PPP2R5E: variants seen among roughly 807,000 people sequenced by gnomAD.
PPP2R5E encodes protein phosphatase 2 regulatory subunit B'epsilon, also known as serine/threonine-protein phosphatase 2A 56 kDa regulatory subunit epsilon isoform.
A neutral mutation model predicts 65.3 loss-of-function variants in PPP2R5E; 4 were observed. The ratio of observed to expected loss-of-function variants is 0.06; its 90% confidence interval spans 0.03 to 0.14. PPP2R5E has a LOEUF of 0.14. PPP2R5E is among the 10% of genes least tolerant of loss of function. PPP2R5E has a pLI of 1.00. For synonymous variants in PPP2R5E, 183 were observed against 187.4 expected (o/e 0.98, Z 0.19); for missense variants, 274 against 556.1 (o/e 0.49, Z 5.10).
chr14:63,460,328 G>A (rs1179865012), intron 2 of PPP2R5E, among the ~76,000 whole-genome samples: 2 of 152,192 alleles, frequency 1.3e-5, no homozygotes, highest in Non-Finnish European at 2.9e-5. Context: ...GCTGCAGCTA[G>A]TATCTGAACC....
At chr14:63,422,531 C>T (rs1349150976) in intron 3 of PPP2R5E, among the ~76,000 whole-genome samples, 1 of 152,060 alleles carries the variant, frequency 6.6e-6, no homozygotes, top group African/African-American at 2.4e-5. Context: ...TCGAGACCAT[C>T]CTGGCTAACA....
intron 6 of PPP2R5E, 43 bp from the exon 7 acceptor site, chr14:63,395,328 G>A: frequency 1.4e-6 from 2 of 1,410,010 alleles, no homozygotes; most frequent in Admixed American, 1.7e-5. Flanking sequence ...AGGAGAGGAG[G>A]AGGAGAAGGA....
intron 2 of PPP2R5E, among the ~76,000 whole-genome samples, chr14:63,519,467 A>G (rs1410325319): frequency 1.3e-5 from 2 of 148,780 alleles, no homozygotes; most frequent in Admixed American, 1.3e-4. Flanking sequence ...TCTCCCCCCG[A>G]GTAGCTGCGA....
chr14:63,485,389 G>A (rs1043930594), intron 2 of PPP2R5E, among the ~76,000 whole-genome samples: 4 of 151,918 alleles, frequency 2.6e-5, no homozygotes, highest in Non-Finnish European at 5.9e-5. Context: ...CAGGCACTAA[G>A]CCATGGTTTG....
chr14:63,383,231 C>T (rs1046280462), intron 12 of PPP2R5E, among the ~76,000 whole-genome samples: 9 of 152,144 alleles, frequency 5.9e-5, no homozygotes, highest in Middle Eastern at 3.2e-3. Context: ...CAAAAATATC[C>T]GTTGCTTCCG....
intron 2 of PPP2R5E, among the ~76,000 whole-genome samples, chr14:63,510,802 A>C (rs1233274885): frequency 6.6e-6 from 1 of 152,244 alleles, no homozygotes; most frequent in Non-Finnish European, 1.5e-5. Flanking sequence ...TTTTGAACAG[A>C]GGAGTGACAT....
intron 2 of PPP2R5E, among the ~76,000 whole-genome samples, chr14:63,488,857 A>T (rs990313463): frequency 4.0e-5 from 6 of 151,120 alleles, no homozygotes; most frequent in Non-Finnish European, 1.5e-5. Context: ...TTAAATAAAT[A>T]AATTAATTTA....
At chr14:63,527,884 G>A (rs1241593145) in intron 2 of PPP2R5E, among the ~76,000 whole-genome samples, 1 of 150,720 alleles carries the variant, frequency 6.6e-6, no homozygotes, top group Non-Finnish European at 1.5e-5. Context: ...GCAATGAGCA[G>A]AGATCGCGTC....
chr14:63,522,069 G>A (rs1019410569), intron 2 of PPP2R5E, among the ~76,000 whole-genome samples: 11 of 149,248 alleles, frequency 7.4e-5, no homozygotes, highest in African/African-American at 1.5e-4. Context: ...TCAGCTTGCC[G>A]AGTGCCTGCG....
At chr14:63,437,160 C>A (rs1293077994) in intron 3 of PPP2R5E, among the ~76,000 whole-genome samples, 3 of 152,176 alleles carry the variant, frequency 2.0e-5, no homozygotes, top group African/African-American at 7.2e-5. Flanking sequence ...ATGGCAATGT[C>A]AAGAAGTTAC....
chr14:63,502,930 C>A (rs1204856122), intron 2 of PPP2R5E, among the ~76,000 whole-genome samples: 2 of 152,118 alleles, frequency 1.3e-5, no homozygotes, highest in Admixed American at 6.6e-5. Context: ...GAGTTTGAGA[C>A]CAGCCTGGGC....
At chr14:63,412,430 G>A (rs145723786) in intron 5 of PPP2R5E, among the ~76,000 whole-genome samples, 134 of 152,282 alleles carry the variant, frequency 8.8e-4, no homozygotes, top group African/African-American at 2.3e-3. Context: ...TCACGACAAG[G>A]GAATGAAAAA....
chr14:63,419,403 G>A (rs1594852907), intron 4 of PPP2R5E, among the ~76,000 whole-genome samples: 1 of 152,314 alleles, frequency 6.6e-6, no homozygotes, highest in East Asian at 1.9e-4. Flanking sequence ...CAGAAAAATA[G>A]ACAGTTGGAT....
chr14:63,489,438 G>A (rs1278430348), intron 2 of PPP2R5E, among the ~76,000 whole-genome samples: 1 of 147,844 alleles, frequency 6.8e-6, no homozygotes, highest in Admixed American at 6.7e-5. Flanking sequence ...TTGAGACAGA[G>A]TCTCACTCTC....
Position 63,391,972 on chromosome 14 carries a change from T to C in PPP2R5E, c.903A>G (p.Pro301=), listed in dbSNP as rs1345588999. 2.5e-6 allele frequency: 4 copies of C among 1,610,470 alleles called. No individual in the cohort carries two copies. The highest frequency in any genetic ancestry group is 3.4e-6 in the Non-Finnish European group (4 of 1,177,988). ...FLEKDPSLTE[P]VIRGLMKFWP... is the part of the protein sequence containing the mutation. ...TTGAAATTATGGAAAAAAGACTTACTGGTTCTGTGAGTGAAGGATCTTTCT... is the reference window on the plus strand; with the variant it reads ...TTGAAATTATGGAAAAAAGACTTACCGGTTCTGTGAGTGAAGGATCTTTCT... Residue 301 remains proline (P), a splice_region_variant and synonymous_variant, in exon 9 of 14, where the codon CCA becomes CCG. Transcript: ENST00000337537.
intron 2 of PPP2R5E, among the ~76,000 whole-genome samples, chr14:63,480,476 T>C (rs1442329832): frequency 6.6e-6 from 1 of 152,136 alleles, no homozygotes; most frequent in Non-Finnish European, 1.5e-5. Context: ...GTTGGGGTCT[T>C]ACTCTGTTAC....
intron 2 of PPP2R5E, among the ~76,000 whole-genome samples, chr14:63,473,271 G>A (rs1004501642): frequency 7.9e-5 from 12 of 152,202 alleles, no homozygotes; most frequent in African/African-American, 2.4e-4. Flanking sequence ...CTGGAAACAA[G>A]GGGCTATAAA....
intron 3 of PPP2R5E, chr14:63,452,060 T>C (rs939284583): frequency 2.0e-5 from 3 of 152,190 alleles, no homozygotes; most frequent in African/African-American, 7.2e-5. Flanking sequence ...AAATATATAT[T>C]GCTAAGTGAA....
chr14:63,452,724 C>T (rs1888912932), intron 3 of PPP2R5E: 1 of 148,290 alleles, frequency 6.7e-6, no homozygotes, highest in Admixed American at 6.6e-5. Context: ...CATTCAAGTG[C>T]CTTTGCAAAT....
Sources: allele counts gnomAD v4.1 joint callset (sites outside exome capture counted in the v4.1 genomes callset), GRCh38; gene constraint gnomAD v4.1.1; transcripts MANE v1.5; gene names NCBI Gene and HGNC (gene_info 2026-07-23, HGNC 2026-07-21).